The following SLC25A12 variants were observed in gnomAD, a reference collection of about 807,000 sequenced individuals.
SLC25A12 encodes the protein solute carrier family 25 member 12, also known as electrogenic aspartate/glutamate antiporter SLC25A12, mitochondrial.
A neutral mutation model predicts 83.3 loss-of-function variants in SLC25A12; 32 were observed. The observed-to-expected ratio is 0.38, with a 90% CI of 0.29 to 0.52. The LOEUF (loss-of-function observed/expected upper bound fraction) is 0.52. Ranked by LOEUF, SLC25A12 falls within the 20% of genes least tolerant of loss-of-function variation. SLC25A12 has a pLI of 0.84. For missense variants in SLC25A12, 611 were observed against 835.6 expected (o/e 0.73, Z 3.31); for synonymous variants, 267 against 291.1 (o/e 0.92, Z 0.84).
intron 3 of SLC25A12, among the ~76,000 whole-genome samples, chr2:171,861,554 G>C (rs927156631): frequency 2.6e-5 from 4 of 152,110 alleles, no homozygotes; most frequent in African/African-American, 7.2e-5. Context: ...CTACAGACAA[G>C]CACCAGGATG....
At chr2:171,837,386 T>A (rs1573971834) in intron 5 of SLC25A12, 119 bp from the exon 6 acceptor site, 1 of 1,042,324 alleles carries the variant, frequency 9.6e-7, no homozygotes, top group Non-Finnish European at 1.5e-6. Flanking sequence ...AAACAAACAA[T>A]GCACAGATCT....
chr2:171,826,736 C>T, intron 9 of SLC25A12, 62 bp downstream of exon 9: 1 of 904,564 alleles, frequency 1.1e-6, no homozygotes, highest in Admixed American at 1.7e-5. Context: ...GCTGTCAGCT[C>T]CTATTTAGTC....
chr2:171,843,152 T>C (rs1347542167), intron 5 of SLC25A12, among the ~76,000 whole-genome samples: 3 of 152,208 alleles, frequency 2.0e-5, no homozygotes, highest in South Asian at 4.1e-4. Flanking sequence ...ATTAATTTTA[T>C]GTAAATTTTA....
intron 2 of SLC25A12, among the ~76,000 whole-genome samples, chr2:171,872,043 C>T (rs1025201582): frequency 6.6e-6 from 1 of 150,414 alleles, no homozygotes; most frequent in African/African-American, 2.4e-5. Context: ...CAAAAGCATT[C>T]AAGAAATATC....
At position 171,824,415 on chromosome 2, in the gene SLC25A12, G is replaced by GA. The variant is rs772589514; in HGVS notation, c.930+2382dup. On this transcript the variant is annotated intron_variant, in intron 9 of 17. Transcript: ENST00000422440. ...TGGGTGAATAGAAAAGTAAGCAGCA[G>GA]AAAAACTGAGGAGGAGAAATGAGTT... 2.0e-5 allele frequency among the ~76,000 whole-genome samples: 3 copies of GA among 152,260 alleles called. No homozygotes were observed. In the East Asian group the frequency reaches 5.8e-4, roughly 29 times the overall value.
At chr2:171,829,824 G>A (rs1367529469) in intron 8 of SLC25A12, among the ~76,000 whole-genome samples, 1 of 152,196 alleles carries the variant, frequency 6.6e-6, no homozygotes, top group African/African-American at 2.4e-5. Context: ...CCGAGAAGCA[G>A]ACAATTTATT....
intron 17 of SLC25A12, among the ~76,000 whole-genome samples, chr2:171,786,039 CT>C (rs1690482397): frequency 6.6e-6 from 1 of 151,860 alleles, no homozygotes; most frequent in Admixed American, 6.6e-5. Context: ...TAGAAGTTAA[CT>C]TTTTATGTAG....
chr2:171,837,938 T>C (rs984878050), intron 5 of SLC25A12, among the ~76,000 whole-genome samples: 5 of 152,330 alleles, frequency 3.3e-5, no homozygotes, highest in African/African-American at 1.2e-4. Context: ...TCTGAACTTT[T>C]GAACTATTGG....
intron 3 of SLC25A12, among the ~76,000 whole-genome samples, chr2:171,866,849 G>C (rs555333387): frequency 1.5e-4 from 22 of 149,060 alleles, no homozygotes; most frequent in African/African-American, 5.2e-4. Context: ...GGTGGCTGCC[G>C]GGCGGAGACG....
intron 2 of SLC25A12, among the ~76,000 whole-genome samples, chr2:171,878,136 G>A (rs1332227718): frequency 1.3e-5 from 2 of 152,152 alleles, no homozygotes; most frequent in Admixed American, 6.5e-5. Flanking sequence ...TGGTACTGGG[G>A]ATGCAGAGAT....
At chr2:171,818,054 T>G (rs1356511394) in intron 9 of SLC25A12, among the ~76,000 whole-genome samples, 3 of 152,186 alleles carry the variant, frequency 2.0e-5, no homozygotes, top group South Asian at 2.1e-4. Context: ...TTAGCAACAT[T>G]TTTTTAAGGC....
At chr2:171,837,021 G>C (rs1387270994) in intron 6 of SLC25A12, 100 bp downstream of exon 6, 2 of 1,118,242 alleles carry the variant, frequency 1.8e-6, no homozygotes, top group African/African-American at 3.1e-5. Context: ...CATGAAATTT[G>C]AATAGTTGAG....
intron 13 of SLC25A12, among the ~76,000 whole-genome samples, chr2:171,807,638 A>G (rs61384579): frequency 0.021 from 3,171 of 152,338 alleles, 116 homozygotes; most frequent in African/African-American, 0.073. Context: ...AATGACCAAG[A>G]AAAAGAATAT....
intron 3 of SLC25A12, among the ~76,000 whole-genome samples, chr2:171,860,781 G>A (rs1044055322): frequency 7.9e-5 from 12 of 151,870 alleles, no homozygotes; most frequent in African/African-American, 2.9e-4. Flanking sequence ...AGAATAGTCA[G>A]ATGTTAATAG....
intron 5 of SLC25A12, among the ~76,000 whole-genome samples, chr2:171,843,548 G>T (rs1200698597): frequency 6.6e-6 from 1 of 152,020 alleles, no homozygotes; most frequent in Non-Finnish European, 1.5e-5. Flanking sequence ...CATGAGAATT[G>T]CTTGAACCAA....
At chr2:171,833,876 T>A (rs1382988983) in intron 8 of SLC25A12, 87 bp downstream of exon 8, 33 of 802,992 alleles carry the variant, frequency 4.1e-5, no homozygotes, top group Non-Finnish European at 2.2e-6. Context: ...AAAAAACTCA[T>A]GTTAGAATGA....
At chr2:171,890,206 G>A (rs1685902028) in intron 2 of SLC25A12, among the ~76,000 whole-genome samples, 1 of 152,160 alleles carries the variant, frequency 6.6e-6, no homozygotes, top group Non-Finnish European at 1.5e-5. Flanking sequence ...AAAGTGCATG[G>A]TACACAGCAA....
chr2:171,874,087 G>A (rs1396184503), intron 2 of SLC25A12, among the ~76,000 whole-genome samples: 1 of 152,160 alleles, frequency 6.6e-6, no homozygotes, highest in East Asian at 1.9e-4. Context: ...TTAGACGGGT[G>A]TGGTGGCGCA....
rs1350054561 is a variant in SLC25A12, at chr2:171,787,461, G to T, written c.1835+110C>A. ...TGTTTTAAATGCATTGGTCTTAAAG[G>T]TTCTGTCTTATCAGTTTTCTAAGAG... On this transcript the variant is annotated intron_variant, in intron 17 of 17. Coordinates refer to ENST00000422440, the MANE Select transcript of SLC25A12 (RefSeq NM_003705.5). 7 of 895,376 alleles carry T rather than the reference G, an allele frequency of 7.8e-6. No homozygotes were observed. In the Admixed American group the frequency reaches 1.2e-4, roughly 15 times the overall value. The allele number at this position is 895,376 out of a possible 1,614,324, so 55.5% of individuals were successfully genotyped here. A position where few individuals can be genotyped will look rare whatever the true frequency, so the allele number is the denominator to read the frequency against.
Sources: gnomAD v4.1 joint callset for allele counts (sites outside exome capture counted in the v4.1 genomes callset) on GRCh38, gnomAD v4.1.1 for gene constraint, MANE v1.5 for transcripts, NCBI Gene and HGNC (gene_info 2026-07-23, HGNC 2026-07-21) for gene names.